Variants in NEGR1 observed in about 807,000 individuals in gnomAD.
The protein encoded by NEGR1 is IgLON family member 4.
In NEGR1, 10 loss-of-function variants were observed where a neutral mutation model predicts 40.9. That is an observed-to-expected ratio of 0.24 (90% CI 0.15 to 0.42). The LOEUF (loss-of-function observed/expected upper bound fraction) is 0.42. Ranked by LOEUF, NEGR1 falls within the 10% of genes least tolerant of loss-of-function variation. NEGR1 has a pLI of 1.00. For synonymous variants in NEGR1, 185 were observed against 166.8 expected, an observed-to-expected ratio of 1.11 and a Z score of -0.84; for missense variants, 352 against 438.9, an observed-to-expected ratio of 0.80 and a Z score of 1.77.
At position 72,062,677 on chromosome 1, in the gene NEGR1, G is replaced by T. The variant is rs78868355; in HGVS notation, c.177-127366C>A. On this transcript the variant is annotated intron_variant, in intron 1 of 6. Coordinates refer to ENST00000357731, the MANE Select transcript of NEGR1 (RefSeq NM_173808.3). ...TCTGTGCATGGTTTAGTAGCCTCTT[G>T]CTTGCATATAGCTTTCTAATCTAAG... Among the ~76,000 whole-genome samples the T allele has an allele frequency of 3.3e-5, 5 of 152,000 alleles. No homozygotes were observed. The South Asian group carries it at 1.0e-3, about 32-fold the overall frequency.
intron 6 of NEGR1, among the ~76,000 whole-genome samples, chr1:71,466,059 G>T (rs2101349802): frequency 6.6e-6 from 1 of 152,056 alleles, no homozygotes; most frequent in African/African-American, 2.4e-5. Context: ...CCATTTCCTA[G>T]ATGTGTGACC....
At chr1:71,967,327 AAGAAAATAGAGCAATTCAG>A (rs1407269505) in intron 1 of NEGR1, among the ~76,000 whole-genome samples, 1 of 152,144 alleles carries the variant, frequency 6.6e-6, no homozygotes, top group Non-Finnish European at 1.5e-5. Context: ...CAGTCAGGGA[AAGAAAATAGAGCAATTCAG>A]CCCAACCGTC....
At chr1:72,119,420 T>C (rs185717923) in intron 1 of NEGR1, among the ~76,000 whole-genome samples, 5 of 152,002 alleles carry the variant, frequency 3.3e-5, no homozygotes, top group East Asian at 1.9e-4. Flanking sequence ...TGATATTATA[T>C]TTAGCACACA....
intron 1 of NEGR1, among the ~76,000 whole-genome samples, chr1:72,034,576 AT>A (rs1167873927): frequency 2.6e-5 from 4 of 152,196 alleles, no homozygotes; most frequent in Non-Finnish European, 5.9e-5. Context: ...AGGTAAAAAA[AT>A]ATCTTTTGTC....
intron 6 of NEGR1, among the ~76,000 whole-genome samples, chr1:71,459,292 C>T (rs985515386): frequency 1.2e-4 from 19 of 152,174 alleles, no homozygotes; most frequent in African/African-American, 4.3e-4. Context: ...AAAACAAAGT[C>T]TCCCTATAGA....
chr1:72,257,301 GAC>G (rs1557601384), intron 1 of NEGR1, among the ~76,000 whole-genome samples: 1 of 120,924 alleles, frequency 8.3e-6, no homozygotes, highest in African/African-American at 3.3e-5. Context: ...CAGCCTGGGC[GAC>G]AGAGCGAGAC....
intron 6 of NEGR1, among the ~76,000 whole-genome samples, chr1:71,436,138 TG>T (rs1174790621): frequency 1.3e-5 from 2 of 151,882 alleles, no homozygotes; most frequent in South Asian, 2.1e-4. Context: ...AAATTCCTGC[TG>T]GAGGAAACAG....
intron 6 of NEGR1, among the ~76,000 whole-genome samples, chr1:71,521,767 G>C (rs1343137383): frequency 6.6e-6 from 1 of 151,924 alleles, no homozygotes; most frequent in Non-Finnish European, 1.5e-5. Flanking sequence ...TTTTATAAGA[G>C]GGGAGAAGAT....
chr1:72,122,599 T>C (rs1649844953), intron 1 of NEGR1, among the ~76,000 whole-genome samples: 1 of 151,928 alleles, frequency 6.6e-6, no homozygotes, highest in Non-Finnish European at 1.5e-5. Context: ...GTATATTTAT[T>C]ACATAAATAA....
intron 2 of NEGR1, among the ~76,000 whole-genome samples, chr1:71,821,530 A>G (rs1321515562): frequency 6.6e-6 from 1 of 152,136 alleles, no homozygotes; most frequent in East Asian, 1.9e-4. Flanking sequence ...AAGTTGAACA[A>G]AATTTGAGTG....
In NEGR1 at chr1:71,959,146, T is replaced by C. The variant is rs974980120; in HGVS notation, c.177-23835A>G. ...ACAACTGATTTTTCCCCTTGGATGA[T>C]CTAATTTACTTTCACTCTTCCATCA... On this transcript the variant is annotated intron_variant, in intron 1 of 6. Transcript: ENST00000357731. 5.9e-5 allele frequency among the ~76,000 whole-genome samples: 9 copies of C among 152,270 alleles called. No homozygotes were observed. In the South Asian group the frequency reaches 6.2e-4, roughly 11 times the overall value.
At chr1:71,736,965 A>G (rs937730610) in intron 3 of NEGR1, among the ~76,000 whole-genome samples, 1 of 152,232 alleles carries the variant, frequency 6.6e-6, no homozygotes, top group Non-Finnish European at 1.5e-5. Context: ...AAGAGGAGTC[A>G]GGAAAGAACA....
chr1:71,522,363 G>A (rs1415953057), intron 6 of NEGR1, among the ~76,000 whole-genome samples: 3 of 151,906 alleles, frequency 2.0e-5, no homozygotes. Flanking sequence ...AAAGTGGACA[G>A]TTCCAATTTG....
chr1:72,037,635 C>G (rs574566938), intron 1 of NEGR1, among the ~76,000 whole-genome samples: 21 of 152,170 alleles, frequency 1.4e-4, no homozygotes, highest in African/African-American at 4.8e-4. Context: ...GAGCAAATAA[C>G]AGAATTAAAT....
chr1:71,882,073 T>C (rs915870009), intron 2 of NEGR1, among the ~76,000 whole-genome samples: 3 of 151,916 alleles, frequency 2.0e-5, no homozygotes, highest in Admixed American at 2.0e-4. Context: ...ACATGTTGCC[T>C]TCCTGTGAAA....
intron 2 of NEGR1, among the ~76,000 whole-genome samples, chr1:71,857,496 C>CACACACCT (rs1659814548): frequency 6.8e-6 from 1 of 146,952 alleles, no homozygotes; most frequent in South Asian, 2.2e-4. Flanking sequence ...GGCTTGGTGG[C>CACACACCT]ACACACCTAT....
intron 1 of NEGR1, among the ~76,000 whole-genome samples, chr1:72,058,223 A>C (rs1162612029): frequency 1.3e-5 from 2 of 151,654 alleles, no homozygotes; most frequent in Non-Finnish European, 3.0e-5. Context: ...GTAAGTTGGA[A>C]AGAAATGAAA....
chr1:71,957,921 T>C (rs1392268361), intron 1 of NEGR1, among the ~76,000 whole-genome samples: 2 of 152,208 alleles, frequency 1.3e-5, no homozygotes, highest in East Asian at 1.9e-4. Context: ...GTCTATTTTC[T>C]CTTTCCCCTC....
intron 3 of NEGR1, among the ~76,000 whole-genome samples, chr1:71,717,405 T>A (rs1278322669): frequency 5.3e-5 from 8 of 152,170 alleles, no homozygotes; most frequent in Admixed American, 4.6e-4. Flanking sequence ...GTATTACTTT[T>A]TTTTGAGTAA....
Sources: allele counts gnomAD v4.1 joint callset (sites outside exome capture counted in the v4.1 genomes callset), GRCh38; gene constraint gnomAD v4.1.1; transcripts MANE v1.5; gene names NCBI Gene and HGNC (gene_info 2026-07-23, HGNC 2026-07-21).